ISM1: variants seen among roughly 807,000 people sequenced by gnomAD.
The protein encoded by ISM1 is isthmin-1.
Under a neutral mutation model 46.3 loss-of-function variants are expected in ISM1, and 25 were observed. The observed-to-expected ratio is 0.54, with a 90% CI of 0.39 to 0.75. The LOEUF is 0.75. Ranked by LOEUF, ISM1 falls within the 30% of genes least tolerant of loss-of-function variation. The pLI, the probability that ISM1 is intolerant of heterozygous loss-of-function variation, is 0.00. For missense variants in ISM1, 536 were observed against 625.4 expected (o/e 0.86, Z 1.52); for synonymous variants, 255 against 256.7 (o/e 0.99, Z 0.06).
intron 1 of ISM1, among the ~76,000 whole-genome samples, chr20:13,227,418 T>C (rs1038990467): frequency 3.3e-5 from 5 of 151,898 alleles, no homozygotes; most frequent in African/African-American, 1.2e-4. Flanking sequence ...TTAGCTAGGA[T>C]GGTCTCAATC....
the ISM1 span, among the ~76,000 whole-genome samples, chr20:13,324,206 A>T: frequency 2.0e-5 from 3 of 152,218 alleles, no homozygotes; most frequent in Non-Finnish European, 4.4e-5. Context: ...CTGTTTACAA[A>T]GCATGTCCCC....
intron 1 of ISM1, among the ~76,000 whole-genome samples, chr20:13,255,313 G>A (rs7272844): frequency 0.061 from 9,335 of 152,218 alleles, 405 homozygotes; most frequent in Middle Eastern, 0.13. Context: ...AGTAATAAGG[G>A]ACTTGAAGAT....
intron 1 of ISM1, among the ~76,000 whole-genome samples, chr20:13,255,583 G>A (rs1343168552): frequency 2.0e-5 from 3 of 152,156 alleles, no homozygotes; most frequent in Non-Finnish European, 2.9e-5. Flanking sequence ...TTTTCTATGT[G>A]GATAAGGGAA....
At chr20:13,288,776 C>T in intron 4 of ISM1, 93 bp downstream of exon 4, 1 of 1,298,068 alleles carries the variant, frequency 7.7e-7, no homozygotes, top group East Asian at 2.3e-5. Context: ...TTAAAAGATG[C>T]ACTACTTTTC....
intron 1 of ISM1, among the ~76,000 whole-genome samples, chr20:13,254,083 A>G (rs917148864): frequency 4.7e-5 from 7 of 150,178 alleles, no homozygotes; most frequent in Admixed American, 6.6e-5. Context: ...AAAAAAATAC[A>G]AACATTAGGC....
chr20:13,233,590 C>T lies in ISM1; in HGVS notation c.138+11676C>T, dbSNP rs529642695. Reference sequence around the variant, plus strand: ...TGCCTGGGCAACAAGAGCGAAACTCCATCTCAAAAAAAAAAAAAAAAAAAG... The same window carrying T: ...TGCCTGGGCAACAAGAGCGAAACTCTATCTCAAAAAAAAAAAAAAAAAAAG... On this transcript the variant is annotated intron_variant, in intron 1 of 5. Transcript: ENST00000262487. Among the ~76,000 whole-genome samples, 4 of 132,828 alleles carry T rather than the reference C, an allele frequency of 3.0e-5. No homozygotes were observed. The East Asian group carries it at 8.7e-4, about 29-fold the overall frequency. The allele number at this position is 132,828 out of a possible 152,430, so 87.1% of individuals were successfully genotyped here. A position where few individuals can be genotyped will look rare whatever the true frequency, so the allele number is the denominator to read the frequency against.
chr20:13,249,104 G>T (rs1188435759), intron 1 of ISM1, among the ~76,000 whole-genome samples: 1 of 152,110 alleles, frequency 6.6e-6, no homozygotes, highest in Non-Finnish European at 1.5e-5. Context: ...ACTCATTGTT[G>T]GGTGGAATTT....
chr20:13,260,102 T>C (rs1376402519), intron 1 of ISM1, among the ~76,000 whole-genome samples: 2 of 152,290 alleles, frequency 1.3e-5, no homozygotes, highest in East Asian at 3.9e-4. Flanking sequence ...ACCATTTCCC[T>C]AGAGAATAAC....
At chr20:13,292,733 C>T (rs1054930513) in intron 5 of ISM1, among the ~76,000 whole-genome samples, 7 of 152,120 alleles carry the variant, frequency 4.6e-5, no homozygotes, top group African/African-American at 1.7e-4. Context: ...TCTCTCAGCA[C>T]AGAATAAGCC....
intron 5 of ISM1, among the ~76,000 whole-genome samples, chr20:13,295,707 AAAG>A (rs2040400212): frequency 2.0e-5 from 3 of 152,204 alleles, no homozygotes. Context: ...GACTCCTACA[AAAG>A]AAGAAAGGAA....
intron 2 of ISM1, among the ~76,000 whole-genome samples, chr20:13,271,984 G>A (rs573424196): frequency 9.9e-5 from 15 of 151,952 alleles, no homozygotes; most frequent in Admixed American, 3.3e-4. Flanking sequence ...TTGCCATATC[G>A]CTCAGGCTGG....
At position 13,255,286 on chromosome 20, in the gene ISM1, T is replaced by G. The variant is rs532931259; in HGVS notation, c.139-15218T>G. 3.3e-5 allele frequency among the ~76,000 whole-genome samples: 5 copies of G among 152,308 alleles called. No homozygotes were observed. The East Asian group carries it at 9.6e-4, about 29-fold the overall frequency. On this transcript the variant is annotated intron_variant, in intron 1 of 5. Coordinates refer to ENST00000262487, the MANE Select transcript of ISM1 (RefSeq NM_080826.2). ...GAATTTGAAAAAATGGATAAAATGC[T>G]CTTTTTGTTGTTAGCAAGTAATAAG...
chr20:13,273,173 GT>G (rs1349324315), intron 2 of ISM1, among the ~76,000 whole-genome samples: 1 of 140,954 alleles, frequency 7.1e-6, no homozygotes, highest in Non-Finnish European at 1.5e-5. Context: ...AAATCCATCT[GT>G]CTGAAAATTC....
intron 5 of ISM1, among the ~76,000 whole-genome samples, chr20:13,295,683 C>A (rs745866150): frequency 1.9e-4 from 29 of 152,196 alleles, no homozygotes; most frequent in Non-Finnish European, 3.1e-4. Flanking sequence ...GCTTTCAGAT[C>A]GAGGTGCATG....
At position 13,288,703 on chromosome 20, in the gene ISM1, T is replaced by C; in HGVS notation, c.787+20T>C. The C allele has an allele frequency of 1.9e-6, 3 of 1,598,112 alleles. No homozygotes were observed. The highest frequency in any genetic ancestry group is 2.6e-6 in the Non-Finnish European group (3 of 1,167,820). ...GCCCAGGTGCGTTTACCTGAGTGTG[T>C]AGCTCCAAGTTCAAGGGGAAAGCTT... On this transcript the variant is annotated intron_variant, in intron 4 of 5. Transcript: ENST00000262487.
intron 3 of ISM1, 94 bp from the exon 4 acceptor site, chr20:13,288,443 GAGA>G (rs1011191181): frequency 2.0e-5 from 26 of 1,312,036 alleles, no homozygotes; most frequent in Non-Finnish European, 2.6e-5. Flanking sequence ...CTCCCACAGC[GAGA>G]AGGATAGAAG....
chr20:13,267,521 G>A (rs867496429), intron 1 of ISM1, among the ~76,000 whole-genome samples: 1 of 152,098 alleles, frequency 6.6e-6, no homozygotes, highest in Non-Finnish European at 1.5e-5. Flanking sequence ...GAGGGTACAG[G>A]GCTCTTCTTA....
intron 1 of ISM1, among the ~76,000 whole-genome samples, chr20:13,243,559 C>T (rs1442678919): frequency 6.6e-6 from 1 of 152,100 alleles, no homozygotes; most frequent in African/African-American, 2.4e-5. Context: ...CCTGCTTGAC[C>T]TCTAGGTCTC....
At chr20:13,322,625 G>C in the ISM1 span, among the ~76,000 whole-genome samples, 1 of 152,168 alleles carries the variant, frequency 6.6e-6, no homozygotes, top group African/African-American at 2.4e-5. Flanking sequence ...AGAAAGAAAA[G>C]CCCAAGACCC....
Sources: gnomAD v4.1 joint callset for allele counts (sites outside exome capture counted in the v4.1 genomes callset) on GRCh38, gnomAD v4.1.1 for gene constraint, MANE v1.5 for transcripts, NCBI Gene and HGNC (gene_info 2026-07-23, HGNC 2026-07-21) for gene names.